EPHA6: variants seen among roughly 807,000 people sequenced by gnomAD.
The protein encoded by EPHA6 is ephrin type-A receptor 6.
Under a neutral mutation model 112.0 loss-of-function variants are expected in EPHA6, and 50 were observed. The observed-to-expected ratio is 0.45, with a 90% CI of 0.36 to 0.56. The LOEUF is 0.56. EPHA6 is among the 20% of genes least tolerant of loss of function. The probability of loss-of-function intolerance (pLI) is 0.00; values close to 1 mark genes in which losing one functional copy is unlikely to be tolerated. For synonymous variants in EPHA6, 529 were observed against 490.7 expected, an observed-to-expected ratio of 1.08 and a Z score of -1.03; for missense variants, 1,280 against 1,417.4, an observed-to-expected ratio of 0.90 and a Z score of 1.56.
At chr3:96,882,026 G>A (rs932950468) in intron 2 of EPHA6, among the ~76,000 whole-genome samples, 2 of 152,166 alleles carry the variant, frequency 1.3e-5, no homozygotes, top group Non-Finnish European at 2.9e-5. Flanking sequence ...GCTTTCATGG[G>A]CTGCCATTGA....
At chr3:97,715,119 G>A (rs2034155878) in intron 14 of EPHA6, among the ~76,000 whole-genome samples, 1 of 152,188 alleles carries the variant, frequency 6.6e-6, no homozygotes, top group South Asian at 2.1e-4. Flanking sequence ...AACCTAAAGT[G>A]TGCTTGCCTC....
chr3:97,133,594 G>A (rs1559748641), intron 3 of EPHA6, among the ~76,000 whole-genome samples: 1 of 151,934 alleles, frequency 6.6e-6, no homozygotes, highest in Non-Finnish European at 1.5e-5. Context: ...ATGCTAACAT[G>A]CAAACATAAA....
At chr3:97,056,757 G>A (rs1430803634) in intron 3 of EPHA6, among the ~76,000 whole-genome samples, 3 of 152,154 alleles carry the variant, frequency 2.0e-5, no homozygotes, top group African/African-American at 7.2e-5. Context: ...GGTTTGCAAC[G>A]CGGCATCTTC....
intron 10 of EPHA6, among the ~76,000 whole-genome samples, chr3:97,486,383 T>G (rs1301792488): frequency 6.6e-6 from 1 of 152,258 alleles, no homozygotes; most frequent in Admixed American, 6.5e-5. Context: ...CGTACTGCTC[T>G]GTTAATTTAT....
chr3:96,882,958 T>C (rs2037412856), intron 2 of EPHA6, among the ~76,000 whole-genome samples: 1 of 152,212 alleles, frequency 6.6e-6, no homozygotes, highest in Non-Finnish European at 1.5e-5. Context: ...GTGGGATTGC[T>C]GGATCAAATG....
chr3:97,635,033 T>A (rs1349067301), intron 13 of EPHA6, among the ~76,000 whole-genome samples: 2 of 151,916 alleles, frequency 1.3e-5, no homozygotes, highest in Non-Finnish European at 2.9e-5. Flanking sequence ...TGATTCCTGA[T>A]AAGACTCCTG....
intron 5 of EPHA6, among the ~76,000 whole-genome samples, chr3:97,301,036 C>T (rs1458618804): frequency 1.3e-5 from 2 of 152,066 alleles, no homozygotes; most frequent in Non-Finnish European, 2.9e-5. Context: ...AAACTATCTG[C>T]CCAGCCTTTG....
chr3:97,330,970 T>C (rs1031680071), intron 5 of EPHA6, among the ~76,000 whole-genome samples: 1 of 152,110 alleles, frequency 6.6e-6, no homozygotes, highest in Non-Finnish European at 1.5e-5. Flanking sequence ...ACCACACCTA[T>C]TCCAAAATTG....
chr3:97,353,680 C>T (rs2083920843), intron 5 of EPHA6, among the ~76,000 whole-genome samples: 1 of 152,150 alleles, frequency 6.6e-6, no homozygotes, highest in African/African-American at 2.4e-5. Flanking sequence ...TCTGGACCTA[C>T]CATGGGCCAG....
chr3:97,168,060 T>C (rs2108417418), intron 3 of EPHA6, among the ~76,000 whole-genome samples: 1 of 152,288 alleles, frequency 6.6e-6, no homozygotes, highest in East Asian at 1.9e-4. Context: ...GAAATTTTTC[T>C]TAAGAAAGTA....
chr3:97,389,729 A>G (rs1276330225), intron 5 of EPHA6, among the ~76,000 whole-genome samples: 1 of 152,182 alleles, frequency 6.6e-6, no homozygotes, highest in Non-Finnish European at 1.5e-5. Flanking sequence ...AAGATTTTCA[A>G]TATTATTCAT....
chr3:97,511,603 G>T (rs2092365979), intron 10 of EPHA6, among the ~76,000 whole-genome samples: 1 of 152,096 alleles, frequency 6.6e-6, no homozygotes, highest in Non-Finnish European at 1.5e-5. Context: ...GCTGGGAGCT[G>T]CAGACCGGAG....
Position 97,393,221 on chromosome 3 carries a change from A to G in EPHA6, c.1607-11929A>G, listed in dbSNP as rs550722639. 1.6e-4 allele frequency among the ~76,000 whole-genome samples: 25 copies of G among 151,992 alleles called. No homozygotes were observed. In the South Asian group the frequency reaches 4.6e-3, roughly 28 times the overall value. On this transcript the variant is annotated intron_variant, in intron 5 of 17. Transcript: ENST00000389672. ...TCTTTTTACTGAAACATGACAAGTA[A>G]TAATAAGGTCAGAAGAATCTCAGAG... is the stretch of plus-strand genomic sequence containing the variant.
chr3:97,232,196 A>G (rs1207261954), intron 4 of EPHA6, among the ~76,000 whole-genome samples: 1 of 152,180 alleles, frequency 6.6e-6, no homozygotes, highest in Non-Finnish European at 1.5e-5. Flanking sequence ...CTCCAGTTGT[A>G]CCATCCATAT....
chr3:96,818,111 T>A (rs2032948063), intron 1 of EPHA6, among the ~76,000 whole-genome samples: 1 of 152,012 alleles, frequency 6.6e-6, no homozygotes, highest in Non-Finnish European at 1.5e-5. Flanking sequence ...GTGTTGGAAA[T>A]TTTTATTTTA....
At chr3:97,170,359 G>T (rs951737681) in intron 3 of EPHA6, among the ~76,000 whole-genome samples, 2 of 152,044 alleles carry the variant, frequency 1.3e-5, no homozygotes, top group Admixed American at 1.3e-4. Context: ...TTAATACCTG[G>T]GGCGTAATCT....
intron 3 of EPHA6, among the ~76,000 whole-genome samples, chr3:97,061,446 G>C (rs1421166530): frequency 6.6e-6 from 1 of 152,138 alleles, no homozygotes; most frequent in Non-Finnish European, 1.5e-5. Context: ...TTTTCCTCTT[G>C]TTCTTGTACC....
intron 13 of EPHA6, among the ~76,000 whole-genome samples, chr3:97,633,992 T>A (rs1180782677): frequency 3.3e-5 from 5 of 152,056 alleles, no homozygotes; most frequent in African/African-American, 1.2e-4. Flanking sequence ...ACCTTAGAAG[T>A]CTTTATATGT....
chr3:97,104,927 C>CTT (rs2047519592), intron 3 of EPHA6, among the ~76,000 whole-genome samples: 1 of 152,030 alleles, frequency 6.6e-6, no homozygotes, highest in Admixed American at 6.6e-5. Flanking sequence ...TGTTTGTGTG[C>CTT]ATAAATGTGT....
Sources: allele counts gnomAD v4.1 joint callset (sites outside exome capture counted in the v4.1 genomes callset), GRCh38; gene constraint gnomAD v4.1.1; transcripts MANE v1.5; gene names NCBI Gene and HGNC (gene_info 2026-07-23, HGNC 2026-07-21).